Variants in ADGRL2 observed in about 807,000 individuals in gnomAD.
ADGRL2 encodes the protein calcium-independent alpha-latrotoxin receptor 2.
A neutral mutation model predicts 157.4 loss-of-function variants in ADGRL2; 44 were observed. That is an observed-to-expected ratio of 0.28 (90% confidence interval 0.22 to 0.36). The LOEUF (loss-of-function observed/expected upper bound fraction) is 0.36. Ranked by LOEUF, ADGRL2 falls within the 10% of genes least tolerant of loss-of-function variation. The pLI, the probability that ADGRL2 is intolerant of heterozygous loss-of-function variation, is 1.00. For missense variants in ADGRL2, 1,510 were observed against 1,768.9 expected, an observed-to-expected ratio of 0.85 and a Z score of 2.63; for synonymous variants, 585 against 624.7, an observed-to-expected ratio of 0.94 and a Z score of 0.95.
intron 3 of ADGRL2, among the ~76,000 whole-genome samples, chr1:81,599,915 T>G (rs2081304738): frequency 6.6e-6 from 1 of 152,236 alleles, no homozygotes; most frequent in Admixed American, 6.5e-5. Context: ...ACAGGCATGT[T>G]TGTTTACTTC....
rs191219138 is a variant in ADGRL2 at position 81,462,802 on chromosome 1, A to C, written c.-248+17713A>C. On this transcript the variant is annotated intron_variant, in intron 2 of 24. Transcript: ENST00000370721. ...TTTGTAGAAAATCATTTATCAGAAA[A>C]AGGGTAAAAAAATTAGGACAGAAAA... Among the ~76,000 whole-genome samples the C allele has an allele frequency of 3.3e-4, 51 of 152,240 alleles. No homozygotes were observed. The East Asian group carries it at 9.7e-3, about 29-fold the overall frequency.
At chr1:81,967,951 T>C (rs944220680) in intron 13 of ADGRL2, 75 bp from the exon 14 acceptor site, 1 of 1,203,966 alleles carries the variant, frequency 8.3e-7, no homozygotes. Context: ...AATTACCTTT[T>C]ATACATATTA....
chr1:81,737,463 C>T (rs2084940609), intron 1 of ADGRL2, among the ~76,000 whole-genome samples: 1 of 152,024 alleles, frequency 6.6e-6, no homozygotes, highest in Non-Finnish European at 1.5e-5. Flanking sequence ...GGGAAATCTG[C>T]CCCCATGATC....
intron 1 of ADGRL2, among the ~76,000 whole-genome samples, chr1:81,733,659 G>T (rs1034516024): frequency 2.6e-5 from 4 of 152,120 alleles, no homozygotes; most frequent in Non-Finnish European, 5.9e-5. Flanking sequence ...TGGGGGACGG[G>T]GCACAATTTA....
chr1:81,452,630 C>T (rs916296324), intron 2 of ADGRL2, among the ~76,000 whole-genome samples: 7 of 152,108 alleles, frequency 4.6e-5, no homozygotes, highest in African/African-American at 1.7e-4. Flanking sequence ...TCTTTAAATG[C>T]CACTTTTGAA....
rs535267560 is a variant in ADGRL2, at chr1:81,562,795, A to C, written c.-247-18081A>C. Reference sequence around the variant, plus strand: ...GAATTGCTTTCCCTATTTTGGATTAATCATTGTTTAATTTCTAAATCCAAG... The same window carrying C: ...GAATTGCTTTCCCTATTTTGGATTACTCATTGTTTAATTTCTAAATCCAAG... On this transcript the variant is annotated intron_variant, in intron 2 of 24. Coordinates refer to the ADGRL2 transcript ENST00000370721. 2.6e-5 allele frequency among the ~76,000 whole-genome samples: 4 copies of C among 152,190 alleles called. No homozygotes were observed. The South Asian group carries it at 8.3e-4, about 32-fold the overall frequency.
At chr1:81,873,977 T>C (rs2093764662) in intron 2 of ADGRL2, among the ~76,000 whole-genome samples, 1 of 152,150 alleles carries the variant, frequency 6.6e-6, no homozygotes, top group African/African-American at 2.4e-5. Context: ...TAAATATTTG[T>C]CAGTAAGTAT....
chr1:81,468,072 T>G (rs1420399114), intron 2 of ADGRL2, among the ~76,000 whole-genome samples: 1 of 152,170 alleles, frequency 6.6e-6, no homozygotes, highest in Non-Finnish European at 1.5e-5. Context: ...AAGTTTAGAT[T>G]TGGTTTTCTC....
intron 11 of ADGRL2, among the ~76,000 whole-genome samples, chr1:81,961,702 G>GT (rs937343975): frequency 6.6e-6 from 1 of 151,478 alleles, no homozygotes; most frequent in Non-Finnish European, 1.5e-5. Flanking sequence ...TAGAGAGGGG[G>GT]TTTCACCATT....
At chr1:81,638,447 CAT>C (rs1319129206) in intron 3 of ADGRL2, among the ~76,000 whole-genome samples, 1 of 152,042 alleles carries the variant, frequency 6.6e-6, no homozygotes, top group Non-Finnish European at 1.5e-5. Flanking sequence ...ATAGCAACAA[CAT>C]ATTTGATTGT....
intron 16 of ADGRL2, among the ~76,000 whole-genome samples, chr1:81,971,435 A>G (rs1054221481): frequency 6.6e-6 from 1 of 152,126 alleles, no homozygotes; most frequent in Non-Finnish European, 1.5e-5. Context: ...GGGTTCTGTT[A>G]GGTTCCATAG....
intron 1 of ADGRL2, among the ~76,000 whole-genome samples, chr1:81,431,090 T>C (rs894541289): frequency 9.2e-5 from 14 of 152,302 alleles, no homozygotes; most frequent in Non-Finnish European, 1.8e-4. Flanking sequence ...AGTTCTTTTA[T>C]AGTCTGACAT....
At chr1:81,581,872 GCGCA>G (rs10544330) in intron 3 of ADGRL2, among the ~76,000 whole-genome samples, 39,162 of 84,992 alleles carry the variant, frequency 0.46, 5,496 homozygotes, top group Non-Finnish European at 0.52. Context: ...ACACACATGC[GCGCA>G]CACACACACA....
intron 2 of ADGRL2, among the ~76,000 whole-genome samples, chr1:81,870,062 A>G (rs779376524): frequency 3.7e-4 from 56 of 152,076 alleles, no homozygotes; most frequent in Non-Finnish European, 1.5e-4. Flanking sequence ...GTTACTGCCA[A>G]TTATTCGGGT....
At chr1:81,860,331 T>A (rs1410153150) in intron 2 of ADGRL2, among the ~76,000 whole-genome samples, 1 of 152,170 alleles carries the variant, frequency 6.6e-6, no homozygotes, top group African/African-American at 2.4e-5. Flanking sequence ...CTTTTATTTT[T>A]ATTTTATTTA....
At chr1:81,934,452 G>T (rs2148825178) in intron 3 of ADGRL2, among the ~76,000 whole-genome samples, 1 of 151,818 alleles carries the variant, frequency 6.6e-6, no homozygotes, top group African/African-American at 2.4e-5. Flanking sequence ...AAAAATCTGG[G>T]CAATTTTCAA....
At chr1:81,819,103 G>A (rs2090721680) in intron 1 of ADGRL2, among the ~76,000 whole-genome samples, 1 of 152,124 alleles carries the variant, frequency 6.6e-6, no homozygotes, top group Admixed American at 6.6e-5. Context: ...ATACTTATTT[G>A]ATAGCATTCA....
intron 1 of ADGRL2, among the ~76,000 whole-genome samples, chr1:81,721,435 G>T (rs2084316086): frequency 6.6e-6 from 1 of 152,034 alleles, no homozygotes; most frequent in Non-Finnish European, 1.5e-5. Flanking sequence ...GAACACCAAA[G>T]AAATTTATTG....
At chr1:81,846,665 T>C (rs915183967) in intron 2 of ADGRL2, among the ~76,000 whole-genome samples, 1 of 151,880 alleles carries the variant, frequency 6.6e-6, no homozygotes, top group Admixed American at 6.6e-5. Context: ...TATGTATTAA[T>C]CATTAATTAG....
Sources: allele counts gnomAD v4.1 joint callset (sites outside exome capture counted in the v4.1 genomes callset), GRCh38; gene constraint gnomAD v4.1.1; transcripts MANE v1.5; gene names NCBI Gene and HGNC (gene_info 2026-07-23, HGNC 2026-07-21).